Variants in ETFDH observed in about 807,000 individuals in gnomAD.
ETFDH encodes the protein electron transfer flavoprotein-ubiquinone oxidoreductase, mitochondrial.
Under a neutral mutation model 73.2 loss-of-function variants are expected in ETFDH, and 61 were observed. The observed-to-expected ratio is 0.83, with a 90% confidence interval of 0.68 to 1.03. The LOEUF (loss-of-function observed/expected upper bound fraction) is 1.03. Ranked by LOEUF, ETFDH falls within the 50% of genes least tolerant of loss-of-function variation. The probability of loss-of-function intolerance (pLI) is 0.00; values close to 1 mark genes in which losing one functional copy is unlikely to be tolerated. For missense variants in ETFDH, 685 were observed against 745.0 expected, an observed-to-expected ratio of 0.92 and a Z score of 0.94; for synonymous variants, 243 against 253.3, an observed-to-expected ratio of 0.96 and a Z score of 0.39.
At chr4:158,676,003 C>T (rs749937605) in intron 1 of ETFDH, among the ~76,000 whole-genome samples, 1 of 152,080 alleles carries the variant, frequency 6.6e-6, no homozygotes, top group Non-Finnish European at 1.5e-5. Context: ...TTATTGAAAC[C>T]GCCCAACAGG....
intron 6 of ETFDH, among the ~76,000 whole-genome samples, chr4:158,694,986 G>T (rs1312131078): frequency 1.3e-5 from 2 of 151,986 alleles, no homozygotes; most frequent in Admixed American, 1.3e-4. Flanking sequence ...ATGAAAAATC[G>T]GTCTTCCATA....
intron 7 of ETFDH, 150 bp from the exon 8 acceptor site, chr4:158,697,409 A>G: frequency 1.4e-6 from 1 of 707,198 alleles, no homozygotes. Context: ...TTGATATTTG[A>G]AGTAATTTTG....
At chr4:158,672,755 A>AAC (rs1367410884) in intron 1 of ETFDH, among the ~76,000 whole-genome samples, 2 of 151,936 alleles carry the variant, frequency 1.3e-5, no homozygotes, top group African/African-American at 2.4e-5. Flanking sequence ...ACCACCTGTC[A>AAC]ACACACACAC....
intron 3 of ETFDH, among the ~76,000 whole-genome samples, chr4:158,683,436 A>G (rs183532840): frequency 2.0e-5 from 3 of 152,218 alleles, no homozygotes; most frequent in South Asian, 2.1e-4. Flanking sequence ...TGAAATATCA[A>G]GCTCCCTTAA....
chr4:158,693,828 T>C (rs892499002), intron 6 of ETFDH, among the ~76,000 whole-genome samples: 7 of 152,328 alleles, frequency 4.6e-5, no homozygotes, highest in Middle Eastern at 3.4e-3. Context: ...TTTGACTGTC[T>C]GTAATATCAA....
Position 158,682,367 on chromosome 4 carries a change from G to A in ETFDH, c.348G>A (p.Gly116=), listed in dbSNP as rs773367792. ...AGATAGGAGCTCATACTCTCTCAGG[G>A]GCTTGCCTTGATCCAGGTGCTTTTA... ...AAQIGAHTLS[G]ACLDPGAFKE... Residue 116 remains glycine (G), a synonymous_variant, in exon 3 of 13, where the codon GGG becomes GGA. Coordinates refer to ENST00000511912, the MANE Select transcript of ETFDH (RefSeq NM_004453.4). The A allele has an allele frequency of 1.2e-6, 2 of 1,614,112 alleles. No individual in the cohort carries two copies. Among genetic ancestry groups the A allele is most frequent in the Non-Finnish European group, 1.7e-6 (2 of 1,179,996 alleles).
chr4:158,697,511 A>T (rs1391962350), intron 7 of ETFDH, 48 bp from the exon 8 acceptor site: 1 of 1,557,364 alleles, frequency 6.4e-7, no homozygotes, highest in East Asian at 2.2e-5. Context: ...ACATAAAAAC[A>T]TTTTTAAAAT....
chr4:158,672,480 G>T lies in ETFDH; in HGVS notation c.24G>T (p.Leu8=). Reference sequence around the variant, plus strand: ...ACATGCTGGTGCCGCTAGCCAAGCTGTCCTGCCTGGGTGAGAGGAAACGGG... The same window carrying T: ...ACATGCTGGTGCCGCTAGCCAAGCTTTCCTGCCTGGGTGAGAGGAAACGGG... MLVPLAK[L]SCLAYQCFHA... Residue 8 remains leucine, a synonymous_variant, in exon 1 of 13, where the codon CTG becomes CTT. Transcript: ENST00000511912. The T allele has an allele frequency of 6.2e-7, 1 of 1,614,194 alleles. No homozygotes were observed. The highest frequency in any genetic ancestry group is 8.5e-7 in the Non-Finnish European group (1 of 1,180,022).
rs1242099513 is a variant in ETFDH, at chr4:158,682,275, C to G, written c.256C>G (p.Arg86Gly). Reference protein sequence around the residue: ...AGPAGLSAAVRLKQLAVAHEK... With the variant: ...AGPAGLSAAVGLKQLAVAHEK... ...CCCTGCAGGGCTCTCTGCAGCTGTT[C>G]GTCTAAAACAGTTGGCTGTGGCACA... The change falls in exon 3 of 13, where the codon CGT becomes GGT. Residue 86 changes from arginine to glycine, a missense_variant. Arg to Gly is a moderately radical substitution (Grantham distance 125). This residue lies in a region of ETFDH where 405 missense variants were observed against 399.3 expected (regional missense o/e 1.01). Coordinates refer to ENST00000511912, the MANE Select transcript of ETFDH (RefSeq NM_004453.4). The G allele has an allele frequency of 6.2e-7, 1 of 1,614,086 alleles. No individual in the cohort carries two copies. The highest frequency in any genetic ancestry group is 8.5e-7 in the Non-Finnish European group (1 of 1,180,016).
At chr4:158,680,770 A>G (rs564695830) in intron 2 of ETFDH, among the ~76,000 whole-genome samples, 163 bp downstream of exon 2, 2 of 152,366 alleles carry the variant, frequency 1.3e-5, no homozygotes, top group East Asian at 1.9e-4. Context: ...CAACAACACG[A>G]CAATTATAAT....
Position 158,704,296 on chromosome 4 carries a change from T to C in ETFDH, c.1285+705T>C, listed in dbSNP as rs181797721. ...TATTCTTTAGCAAGCTTTGTAAGTA[T>C]AGGCCTATGACTCTTCTGCTGTGGT... is the stretch of plus-strand genomic sequence containing the variant. On this transcript the variant is annotated intron_variant, in intron 10 of 12. Transcript: ENST00000511912. 4.0e-3 allele frequency among the ~76,000 whole-genome samples: 610 copies of C among 152,362 alleles called. 5 individuals carry two copies. The highest frequency in any genetic ancestry group is 0.02 in the Middle Eastern group (6 of 294).
At chr4:158,699,267 C>T (rs1428886270) in intron 9 of ETFDH, 137 bp downstream of exon 9, 1 of 777,152 alleles carries the variant, frequency 1.3e-6, no homozygotes, top group African/African-American at 1.7e-5. Context: ...AACTGTGTCA[C>T]ACAATACTTC....
At chr4:158,689,816 T>C (rs1185176480) in intron 5 of ETFDH, among the ~76,000 whole-genome samples, 1 of 151,780 alleles carries the variant, frequency 6.6e-6, no homozygotes, top group African/African-American at 2.4e-5. Context: ...CTATTTCTCC[T>C]CATCAGAATT....
At chr4:158,702,386 A>G (rs1024949293) in intron 9 of ETFDH, among the ~76,000 whole-genome samples, 18 of 152,296 alleles carry the variant, frequency 1.2e-4, no homozygotes, top group African/African-American at 4.3e-4. Context: ...CTACAGTGCT[A>G]TAGAACAATA....
chr4:158,674,953 CTT>C (rs553992728), intron 1 of ETFDH, among the ~76,000 whole-genome samples: 1 of 151,986 alleles, frequency 6.6e-6, no homozygotes, highest in Non-Finnish European at 1.5e-5. Context: ...TAGAAAATAA[CTT>C]TGAAAAATCC....
intron 5 of ETFDH, among the ~76,000 whole-genome samples, chr4:158,689,351 C>T (rs1053579167): frequency 6.6e-6 from 1 of 151,708 alleles, no homozygotes; most frequent in African/African-American, 2.4e-5. Context: ...TGACTGGAAT[C>T]GGTGTCAAAG....
At position 158,706,291 on chromosome 4, in the gene ETFDH, G is replaced by A. The variant is rs1561251388; in HGVS notation, c.1388G>A (p.Gly463Asp). 6.2e-7 allele frequency: 1 copy of A among 1,612,570 alleles called. No individual in the cohort carries two copies. The highest frequency in any genetic ancestry group is 1.1e-5 in the South Asian group (1 of 91,056). Residue 463 changes from glycine to aspartate, a missense_variant, in exon 11 of 13, where the codon GGT becomes GAT. Around this residue, in one of 3 missense-constraint regions of ETFDH, gnomAD observed 201 missense variants for 225.2 expected, o/e 0.89. Transcript: ENST00000511912. ...AGACCGTCCTGCCACGGAGTACTGG[G>A]TGTATATGGAGGGATGATTTACACT... ...NIRPSCHGVL[G>D]VYGGMIYTGI...
At chr4:158,689,635 TA>T (rs1345890448) in intron 5 of ETFDH, among the ~76,000 whole-genome samples, 8,375 of 113,960 alleles carry the variant, frequency 0.073, 1,419 homozygotes, top group Non-Finnish European at 0.11. Context: ...TATATATATA[TA>T]TTGTGGGGGG....
At chr4:158,691,881 A>G (rs185811501) in intron 6 of ETFDH, among the ~76,000 whole-genome samples, 14 of 152,320 alleles carry the variant, frequency 9.2e-5, no homozygotes, top group African/African-American at 3.1e-4. Context: ...CTGCCTATTC[A>G]GGTTTATTTA....
Sources: gnomAD v4.1 joint callset for allele counts (sites outside exome capture counted in the v4.1 genomes callset) on GRCh38, gnomAD v4.1.1 for gene constraint, gnomAD v4.1.1 regional missense constraint, MANE v1.5 for transcripts, NCBI Gene and HGNC (gene_info 2026-07-23, HGNC 2026-07-21) for gene names.